The following CCDC102B variants were observed in gnomAD, a reference collection of about 807,000 sequenced individuals.
The protein encoded by CCDC102B is coiled-coil domain-containing protein 102B.
CCDC102B carries 75 observed loss-of-function variants against 57.4 expected under a neutral mutation model. The ratio of observed to expected loss-of-function variants is 1.31; its 90% CI spans 1.08 to 1.58. The LOEUF is 1.58. CCDC102B is among the 40% of genes most tolerant of loss of function. The pLI is 0.00. For missense variants in CCDC102B, 636 were observed against 582.6 expected (o/e 1.09, Z -0.94); for synonymous variants, 206 against 201.9 (o/e 1.02, Z -0.17).
In CCDC102B at chr18:69,037,438, G is replaced by A. The variant is rs1599881783; in HGVS notation, c.1435-16592G>A. ...CAAGAGGTAGAATAAAGTGTCTAAT[G>A]AAAACGACATCTGTCAGGCCAGGGC... On this transcript the variant is annotated intron_variant, in intron 7 of 7. Transcript: ENST00000360242. Among the ~76,000 whole-genome samples the A allele has an allele frequency of 2.6e-5, 4 of 152,122 alleles. No individual in the cohort carries two copies. The South Asian group carries it at 8.3e-4, about 32-fold the overall frequency.
chr18:69,040,487 T>A (rs2052408617), intron 7 of CCDC102B, among the ~76,000 whole-genome samples: 1 of 151,122 alleles, frequency 6.6e-6, no homozygotes, highest in Non-Finnish European at 1.5e-5. Flanking sequence ...TTTGATCAAT[T>A]TGATGGTATT....
chr18:69,050,889 A>C (rs2052687194), intron 7 of CCDC102B, among the ~76,000 whole-genome samples: 1 of 152,174 alleles, frequency 6.6e-6, no homozygotes, highest in Non-Finnish European at 1.5e-5. Flanking sequence ...TCCATTAATA[A>C]GACTATTTAT....
intron 4 of CCDC102B, among the ~76,000 whole-genome samples, chr18:68,865,084 T>G (rs1021530316): frequency 6.6e-6 from 1 of 152,080 alleles, no homozygotes; most frequent in African/African-American, 2.4e-5. Context: ...ATTAAAATTG[T>G]CCTAGTTCTT....
intron 1 of CCDC102B, among the ~76,000 whole-genome samples, chr18:68,716,077 T>C (rs1011542656): frequency 6.6e-6 from 1 of 152,132 alleles, no homozygotes; most frequent in African/African-American, 2.4e-5. Context: ...GCGCAAGCCC[T>C]CTACAGATTC....
intron 2 of CCDC102B, among the ~76,000 whole-genome samples, chr18:68,763,301 G>T (rs1420912667): frequency 2.0e-5 from 3 of 152,086 alleles, no homozygotes; most frequent in Non-Finnish European, 2.9e-5. Context: ...CACAGGAAAG[G>T]GCGCCTGCAA....
At chr18:68,970,410 C>T (rs2145257341) in intron 6 of CCDC102B, among the ~76,000 whole-genome samples, 1 of 152,028 alleles carries the variant, frequency 6.6e-6, no homozygotes, top group East Asian at 1.9e-4. Context: ...TTTATAAAAA[C>T]AACTGATTTT....
At chr18:68,881,472 A>G (rs1283651339) in intron 5 of CCDC102B, among the ~76,000 whole-genome samples, 2 of 152,194 alleles carry the variant, frequency 1.3e-5, no homozygotes, top group African/African-American at 4.8e-5. Flanking sequence ...CATTTGTCCA[A>G]ATATTATTCT....
chr18:68,846,652 CATT>C (rs66539716), intron 4 of CCDC102B, among the ~76,000 whole-genome samples: 43,083 of 151,168 alleles, frequency 0.29, 6,593 homozygotes, highest in Non-Finnish European at 0.34. Context: ...TTATATTGGT[CATT>C]ATTTATTTTC....
chr18:68,966,766 G>T (rs113605220), intron 6 of CCDC102B, among the ~76,000 whole-genome samples: 121 of 152,194 alleles, frequency 8.0e-4, no homozygotes, highest in African/African-American at 2.8e-3. Context: ...TTTTGGAGTA[G>T]TAGTCTTCTC....
chr18:68,875,969 T>A (rs1262517443), intron 5 of CCDC102B, among the ~76,000 whole-genome samples: 1 of 152,072 alleles, frequency 6.6e-6, no homozygotes, highest in Non-Finnish European at 1.5e-5. Context: ...AGGTCCATTA[T>A]GAGAAAGGCT....
chr18:68,996,733 C>T (rs2051038633), intron 6 of CCDC102B, among the ~76,000 whole-genome samples: 1 of 152,128 alleles, frequency 6.6e-6, no homozygotes, highest in Non-Finnish European at 1.5e-5. Context: ...GCAGAAATGA[C>T]TTGCTTTATT....
intron 7 of CCDC102B, among the ~76,000 whole-genome samples, chr18:69,043,447 A>G (rs12457356): frequency 0.094 from 14,259 of 151,846 alleles, 835 homozygotes; most frequent in Admixed American, 0.12. Context: ...TTCCCACGAG[A>G]CCATATTTCA....
chr18:68,938,812 G>C (rs2049308970), intron 6 of CCDC102B, among the ~76,000 whole-genome samples: 1 of 151,400 alleles, frequency 6.6e-6, no homozygotes, highest in Non-Finnish European at 1.5e-5. Flanking sequence ...GGAGAATATA[G>C]AATCTATATA....
chr18:68,947,766 A>G (rs977962424), intron 6 of CCDC102B, among the ~76,000 whole-genome samples: 1 of 152,100 alleles, frequency 6.6e-6, no homozygotes, highest in Non-Finnish European at 1.5e-5. Context: ...GTATTGAACT[A>G]TGACAGGGAA....
At chr18:68,796,572 C>T (rs747936919), upstream of CCDC102B, among the ~76,000 whole-genome samples, 1 of 151,840 alleles carries the variant, frequency 6.6e-6, no homozygotes. Context: ...TGGCTTTATC[C>T]AGAGAGAGAA....
At chr18:68,838,522 G>GA (rs1461006931) in intron 2 of CCDC102B, 184 bp from the exon 3 acceptor site, 1 of 984,886 alleles carries the variant, frequency 1.0e-6, no homozygotes, top group Admixed American at 6.2e-5. Context: ...GTAGAACATA[G>GA]AAAAAAACAA....
chr18:68,936,595 A>T (rs1468252754), intron 6 of CCDC102B, among the ~76,000 whole-genome samples: 1 of 151,920 alleles, frequency 6.6e-6, no homozygotes, highest in Admixed American at 6.6e-5. Context: ...TGTATACAGC[A>T]TGCTTCCTAT....
At chr18:68,745,120 G>A (rs1454641493) in intron 2 of CCDC102B, among the ~76,000 whole-genome samples, 1 of 152,166 alleles carries the variant, frequency 6.6e-6, no homozygotes, top group East Asian at 1.9e-4. Context: ...CACAGAGGTA[G>A]GAGAGGAGGC....
intron 6 of CCDC102B, among the ~76,000 whole-genome samples, chr18:68,975,626 A>C (rs1300962366): frequency 6.6e-6 from 1 of 151,954 alleles, no homozygotes; most frequent in Admixed American, 6.6e-5. Context: ...TCCAAGTTGA[A>C]GTGCGTGGTT....
Sources: gnomAD v4.1 joint callset for allele counts (sites outside exome capture counted in the v4.1 genomes callset) on GRCh38, gnomAD v4.1.1 for gene constraint, MANE v1.5 for transcripts, NCBI Gene and HGNC (gene_info 2026-07-23, HGNC 2026-07-21) for gene names.